Variants in DLGAP2 observed in about 807,000 individuals in gnomAD.
DLGAP2 encodes disks large-associated protein 2.
DLGAP2 carries 26 observed loss-of-function variants against 100.3 expected under a neutral mutation model. The observed-to-expected ratio is 0.26, with a 90% CI of 0.19 to 0.36. The LOEUF is 0.36. Ranked by LOEUF, DLGAP2 falls within the 10% of genes least tolerant of loss-of-function variation. DLGAP2 has a pLI of 1.00. For missense variants in DLGAP2, 1,858 were observed against 1,453.2 expected (o/e 1.28, Z -4.53); for synonymous variants, 886 against 630.1 (o/e 1.41, Z -6.08).
At chr8:1,668,047 A>G (rs1015412632) in intron 8 of DLGAP2, among the ~76,000 whole-genome samples, 10 of 151,154 alleles carry the variant, frequency 6.6e-5, no homozygotes, top group African/African-American at 2.4e-4. Flanking sequence ...ATTTGTCGGT[A>G]TTTTTAAATG....
chr8:908,769 G>C (rs943754551), intron 2 of DLGAP2, among the ~76,000 whole-genome samples: 2 of 152,190 alleles, frequency 1.3e-5, no homozygotes, highest in South Asian at 2.1e-4. Flanking sequence ...TCTGCAAGCT[G>C]ATTCATTTCT....
At chr8:1,586,308 C>G (rs1349828785) in intron 6 of DLGAP2, among the ~76,000 whole-genome samples, 1 of 152,230 alleles carries the variant, frequency 6.6e-6, no homozygotes, top group Non-Finnish European at 1.5e-5. Flanking sequence ...TTGTTGTCAG[C>G]TGAAGTCAGC....
rs1041175676 is a variant in DLGAP2 at position 857,903 on chromosome 8, T to C, written c.19-50009T>C. 5.3e-5 allele frequency among the ~76,000 whole-genome samples: 8 copies of C among 151,470 alleles called. No homozygotes were observed. The East Asian group carries it at 7.8e-4, about 15-fold the overall frequency. ...TTTTTTTTTTGAGACGGAGCCTCGC[T>C]CTTGTTGCCCAGGCTGGAGTGCAGT... On this transcript the variant is annotated intron_variant, in intron 1 of 14. Coordinates refer to ENST00000637795, the MANE Select transcript of DLGAP2 (RefSeq NM_001346810.2).
chr8:931,076 T>A (rs537521726), intron 2 of DLGAP2, among the ~76,000 whole-genome samples: 101 of 146,328 alleles, frequency 6.9e-4, no homozygotes, highest in Admixed American at 1.6e-3. Flanking sequence ...AAAGGGAGGA[T>A]TTTTTTTTTT....
chr8:1,189,321 A>T (rs1239626275), intron 2 of DLGAP2, among the ~76,000 whole-genome samples: 1 of 152,248 alleles, frequency 6.6e-6, no homozygotes, highest in Non-Finnish European at 1.5e-5. Flanking sequence ...GAGACCCAGG[A>T]GCCCATCGTA....
chr8:1,381,577 G>A (rs186119977), intron 3 of DLGAP2, among the ~76,000 whole-genome samples: 96 of 152,162 alleles, frequency 6.3e-4, no homozygotes, highest in African/African-American at 2.2e-3. Flanking sequence ...GCATCTCCCC[G>A]TTCCGCTTTC....
rs550375305 is a variant in DLGAP2, at chr8:1,685,683, C to T, written c.2705-5852C>T. Among the ~76,000 whole-genome samples, 160 of 152,066 alleles carry T rather than the reference C, an allele frequency of 1.1e-3. 1 individual carries two copies. Among genetic ancestry groups the T allele is most frequent in the African/African-American group, 3.6e-3 (149 of 41,464 alleles). ...AATGGGAGAAAATGTCTGCAAACTG[C>T]CCATCTGACAAGGGACTAAGAACCA... is the stretch of plus-strand genomic sequence containing the variant. On this transcript the variant is annotated intron_variant, in intron 12 of 14. Transcript: ENST00000637795.
At chr8:1,381,793 G>A (rs1318999664) in intron 3 of DLGAP2, among the ~76,000 whole-genome samples, 2 of 120,844 alleles carry the variant, frequency 1.7e-5, no homozygotes, top group Non-Finnish European at 3.2e-5. Flanking sequence ...GTGTGTGTGT[G>A]TGTGTGTGTG....
At chr8:1,151,834 G>T (rs76730514) in intron 2 of DLGAP2, among the ~76,000 whole-genome samples, 3,916 of 152,244 alleles carry the variant, frequency 0.026, 185 homozygotes, top group African/African-American at 0.089. Flanking sequence ...CAAATCTTTG[G>T]CTTTCTTTCT....
intron 3 of DLGAP2, among the ~76,000 whole-genome samples, chr8:1,305,952 G>T (rs1024256843): frequency 6.6e-6 from 1 of 151,776 alleles, no homozygotes; most frequent in African/African-American, 2.4e-5. Flanking sequence ...ATAGTATAGG[G>T]AACAACTACT....
chr8:870,008 CAAA>C (rs576493428), intron 1 of DLGAP2, among the ~76,000 whole-genome samples: 2 of 120,996 alleles, frequency 1.7e-5, no homozygotes, highest in Admixed American at 8.4e-5. Context: ...GCCTAATTTA[CAAA>C]AAAAAAAAAA....
intron 5 of DLGAP2, among the ~76,000 whole-genome samples, chr8:1,558,549 A>G (rs1189554519): frequency 6.6e-6 from 1 of 151,840 alleles, no homozygotes; most frequent in East Asian, 1.9e-4. Context: ...ACATACACAT[A>G]TATGCACATT....
At chr8:943,407 C>T (rs1799239583) in intron 2 of DLGAP2, among the ~76,000 whole-genome samples, 3 of 152,246 alleles carry the variant, frequency 2.0e-5, no homozygotes, top group Non-Finnish European at 1.5e-5. Context: ...GGCCACGTTT[C>T]ATATGTGCGG....
intron 2 of DLGAP2, among the ~76,000 whole-genome samples, chr8:1,029,715 T>G (rs1801921411): frequency 6.6e-6 from 1 of 151,796 alleles, no homozygotes; most frequent in African/African-American, 2.4e-5. Context: ...GACTGAGGAA[T>G]GGAGGAGGGG....
intron 3 of DLGAP2, among the ~76,000 whole-genome samples, chr8:1,420,205 C>T (rs1032036967): frequency 7.2e-5 from 11 of 152,148 alleles, no homozygotes; most frequent in Non-Finnish European, 1.6e-4. Flanking sequence ...CAGGGTCCAG[C>T]TTGAGTCTCT....
rs185718537 is a variant in DLGAP2, at chr8:1,280,383, C to T, written c.106+21500C>T. ...GGAAAATTTTCTGAAAACCTACCTG[C>T]GTCATAATACTTATTTATCTCTATT... On this transcript the variant is annotated intron_variant, in intron 3 of 14. Transcript: ENST00000637795. Among the ~76,000 whole-genome samples, 629 of 152,254 alleles carry T rather than the reference C, an allele frequency of 4.1e-3. 2 individuals are homozygous for T. The highest frequency in any genetic ancestry group is 6.9e-3 in the Non-Finnish European group (468 of 68,026).
chr8:785,035 C>G lies in DLGAP2; in HGVS notation c.18+47210C>G, dbSNP rs192458133. On this transcript the variant is annotated intron_variant, in intron 1 of 14. Transcript: ENST00000637795. Reference sequence around the variant, plus strand: ...ATCCTGGCTAACATGGTGAAACCCCCTCTCTACTAAAAATACAAAACAATA... The same window carrying G: ...ATCCTGGCTAACATGGTGAAACCCCGTCTCTACTAAAAATACAAAACAATA... Among the ~76,000 whole-genome samples the G allele has an allele frequency of 3.4e-3, 514 of 151,604 alleles. 3 individuals carry two copies. Among genetic ancestry groups the G allele is most frequent in the African/African-American group, 0.012 (484 of 41,338 alleles).
intron 2 of DLGAP2, among the ~76,000 whole-genome samples, chr8:1,169,083 T>A: frequency 6.7e-6 from 1 of 148,350 alleles, no homozygotes; most frequent in Non-Finnish European, 1.5e-5. Flanking sequence ...GGGATCCAGT[T>A]TCAGCTTTCT....
chr8:974,874 A>AAGAAAAGAAATACTATGAATG (rs1800123586), intron 2 of DLGAP2, among the ~76,000 whole-genome samples: 1 of 152,186 alleles, frequency 6.6e-6, no homozygotes, highest in Non-Finnish European at 1.5e-5. Flanking sequence ...AAATAAGCAG[A>AAGAAAAGAAATACTATGAATG]AGAAAAGAAA....
Sources: allele counts gnomAD v4.1 joint callset (sites outside exome capture counted in the v4.1 genomes callset), GRCh38; gene constraint gnomAD v4.1.1; transcripts MANE v1.5; gene names NCBI Gene and HGNC (gene_info 2026-07-23, HGNC 2026-07-21).